Variants in CLEC2A observed in about 807,000 individuals in gnomAD.
CLEC2A encodes the protein C-type lectin domain family 2 member A.
CLEC2A carries 19 observed loss-of-function variants against 18.6 expected under a neutral mutation model. That is an observed-to-expected ratio of 1.02 (90% CI 0.71 to 1.50). The LOEUF (loss-of-function observed/expected upper bound fraction) is 1.50, where lower values mean the gene tolerates loss of function less well. CLEC2A is among the 40% of genes most tolerant of loss of function. CLEC2A has a pLI of 0.00. For synonymous variants in CLEC2A, 74 were observed against 64.0 expected, an observed-to-expected ratio of 1.16 and a Z score of -0.75; for missense variants, 190 against 207.9, an observed-to-expected ratio of 0.91 and a Z score of 0.53.
chr12:9,912,052 G>C (rs1208436191), downstream of CLEC2A, among the ~76,000 whole-genome samples: 2 of 152,098 alleles, frequency 1.3e-5, no homozygotes, highest in Non-Finnish European at 2.9e-5. Flanking sequence ...TGATAGTTGG[G>C]GGGCCTGGCC....
downstream of CLEC2A, chr12:9,895,635 G>T (rs1448612357): frequency 2.8e-6 from 4 of 1,445,456 alleles, no homozygotes; most frequent in Non-Finnish European, 3.6e-6. Context: ...AACTTTAAAA[G>T]ATACTATTAT....
rs548257056 is a variant in CLEC2A at position 9,904,583 on chromosome 12, C to T, written c.411-5607G>A. The stretch of plus-strand genomic sequence containing the variant: ...TATGTTTGGGCACAGTGTTGGGTCC[C>T]ACATGTTCTCCAGACTCTGGGTCTG... On this transcript the variant is annotated intron_variant, in intron 4 of 4. Coordinates refer to the CLEC2A transcript ENST00000339766. 1.1e-4 allele frequency among the ~76,000 whole-genome samples: 16 copies of T among 152,156 alleles called. No homozygotes were observed. The South Asian group carries it at 3.1e-3, about 30-fold the overall frequency.
At chr12:9,915,334 C>A (rs1192694248) in intron 4 of CLEC2A, among the ~76,000 whole-genome samples, 1 of 151,982 alleles carries the variant, frequency 6.6e-6, no homozygotes, top group African/African-American at 2.4e-5. Context: ...CCATTTAACC[C>A]AGCAATCCCA....
intron 4 of CLEC2A, among the ~76,000 whole-genome samples, chr12:9,905,369 G>A (rs990205496): frequency 3.3e-5 from 5 of 152,304 alleles, no homozygotes; most frequent in Admixed American, 2.6e-4. Flanking sequence ...GATGTGCAGG[G>A]AACACCAAGG....
the CLEC2A span, among the ~76,000 whole-genome samples, chr12:9,888,106 A>AT: frequency 1.3e-5 from 2 of 151,358 alleles, no homozygotes; most frequent in Non-Finnish European, 2.9e-5. Context: ...GAAAAAAAAA[A>AT]AGAAAACAGA....
the CLEC2A span, chr12:9,893,305 GA>G: frequency 6.9e-6 from 6 of 872,800 alleles, no homozygotes; most frequent in African/African-American, 1.7e-5. Flanking sequence ...TATTGTTCAT[GA>G]AAAAAATGCT....
At chr12:9,924,332 A>G (rs1199873477) in intron 2 of CLEC2A, among the ~76,000 whole-genome samples, 1 of 152,136 alleles carries the variant, frequency 6.6e-6, no homozygotes, top group Non-Finnish European at 1.5e-5. Flanking sequence ...ACTCTTGTCT[A>G]TATTTAACTT....
intron 4 of CLEC2A, among the ~76,000 whole-genome samples, chr12:9,905,272 G>A (rs113837501): frequency 1.3e-5 from 2 of 152,106 alleles, no homozygotes; most frequent in African/African-American, 4.8e-5. Context: ...TCTATAATCA[G>A]GAGCACTAGG....
chr12:9,894,763 T>C (rs1862738243), downstream of CLEC2A, among the ~76,000 whole-genome samples: 1 of 152,178 alleles, frequency 6.6e-6, no homozygotes, highest in Admixed American at 6.5e-5. Context: ...TTCATGAGCA[T>C]AAAACTAAAG....
chr12:9,902,864 A>T (rs980017743), intron 4 of CLEC2A, among the ~76,000 whole-genome samples: 3 of 152,152 alleles, frequency 2.0e-5, no homozygotes. Flanking sequence ...AGACCACACA[A>T]CCTAAATTAG....
At chr12:9,878,112 C>G in the CLEC2A span, among the ~76,000 whole-genome samples, 2 of 116,260 alleles carry the variant, frequency 1.7e-5, no homozygotes, top group Admixed American at 8.7e-5. Flanking sequence ...GAACAAGACC[C>G]TGTCTGAAAA....
intron 3 of CLEC2A, among the ~76,000 whole-genome samples, chr12:9,918,410 G>A (rs1863107933): frequency 6.6e-6 from 1 of 152,118 alleles, no homozygotes; most frequent in South Asian, 2.1e-4. Context: ...GATGGTCGTA[G>A]GTGTGTGTCC....
the CLEC2A span, among the ~76,000 whole-genome samples, chr12:9,886,394 G>A: frequency 6.6e-6 from 1 of 152,090 alleles, no homozygotes; most frequent in Admixed American, 6.6e-5. Context: ...AGAATGGAAA[G>A]GGGAGAAAAT....
At chr12:9,901,621 A>G (rs564733023) in intron 4 of CLEC2A, among the ~76,000 whole-genome samples, 4 of 151,956 alleles carry the variant, frequency 2.6e-5, no homozygotes, top group Non-Finnish European at 5.9e-5. Flanking sequence ...TGGACACTGT[A>G]GGGGCCCTCT....
At chr12:9,901,114 A>T (rs1035895344) in intron 4 of CLEC2A, among the ~76,000 whole-genome samples, 1 of 152,208 alleles carries the variant, frequency 6.6e-6, no homozygotes, top group Non-Finnish European at 1.5e-5. Flanking sequence ...TTCCAAGCAA[A>T]GGTTAAAAAG....
the CLEC2A span, chr12:9,881,622 G>A: frequency 4.6e-5 from 71 of 1,535,076 alleles, no homozygotes; most frequent in Non-Finnish European, 5.4e-5. Flanking sequence ...GGTATATGAC[G>A]CTGAGTTTCA....
At chr12:9,909,638 A>G (rs1264137084), downstream of CLEC2A, among the ~76,000 whole-genome samples, 1 of 152,246 alleles carries the variant, frequency 6.6e-6, no homozygotes, top group Non-Finnish European at 1.5e-5. Context: ...TTTAAGGGGC[A>G]GAGAGTCAGA....
downstream of CLEC2A, chr12:9,895,896 G>A: frequency 1.4e-6 from 2 of 1,406,886 alleles, no homozygotes; most frequent in South Asian, 1.5e-5. Flanking sequence ...AAAGACTTAA[G>A]ATTTTTAGAT....
intron 4 of CLEC2A, among the ~76,000 whole-genome samples, chr12:9,906,584 A>G (rs766821689): frequency 2.6e-5 from 4 of 152,210 alleles, no homozygotes; most frequent in Admixed American, 6.5e-5. Context: ...ATCAGTATAA[A>G]TGGTCCCTTC....
Sources: gnomAD v4.1 joint callset for allele counts (sites outside exome capture counted in the v4.1 genomes callset) on GRCh38, gnomAD v4.1.1 for gene constraint, MANE v1.5 for transcripts, NCBI Gene and HGNC (gene_info 2026-07-23, HGNC 2026-07-21) for gene names.